Variants in SMURF2 observed in about 807,000 individuals in gnomAD.
SMURF2 encodes SMAD specific E3 ubiquitin protein ligase 2, also known as E3 ubiquitin-protein ligase SMURF2.
A neutral mutation model predicts 109.6 loss-of-function variants in SMURF2; 48 were observed. That is an observed-to-expected ratio of 0.44 (90% CI 0.35 to 0.56). The LOEUF is 0.56. Among genes scored for constraint, SMURF2 ranks in the 20% least tolerant of loss-of-function variants. The pLI, the probability that SMURF2 is intolerant of heterozygous loss-of-function variation, is 0.01. For synonymous variants in SMURF2, 288 were observed against 317.1 expected (o/e 0.91, Z 0.97); for missense variants, 575 against 909.0 (o/e 0.63, Z 4.72).
intron 3 of SMURF2, among the ~76,000 whole-genome samples, chr17:64,595,261 G>T (rs1472989368): frequency 1.3e-5 from 2 of 152,130 alleles, no homozygotes; most frequent in Non-Finnish European, 2.9e-5. Context: ...TAAAAATTAT[G>T]AAATATATTG....
intron 3 of SMURF2, among the ~76,000 whole-genome samples, chr17:64,597,678 C>CAGG (rs1441431458): frequency 2.7e-5 from 4 of 150,466 alleles, no homozygotes; most frequent in Non-Finnish European, 5.9e-5. Flanking sequence ...GAGGCTGAGA[C>CAGG]AGGAGAAATG....
chr17:64,661,538 T>C (rs1167046811), intron 1 of SMURF2, among the ~76,000 whole-genome samples: 1 of 152,120 alleles, frequency 6.6e-6, no homozygotes, highest in African/African-American at 2.4e-5. Flanking sequence ...GGAGGCAGCG[T>C]CTGGCTCCTT....
intron 1 of SMURF2, among the ~76,000 whole-genome samples, chr17:64,648,058 TAAAA>T (rs56131846): frequency 0.02 from 345 of 17,514 alleles, no homozygotes; most frequent in African/African-American, 0.054. Flanking sequence ...CCCTATCTCT[TAAAA>T]AAAAAAAAAA....
In SMURF2 at chr17:64,547,428, G is replaced by A. The variant is rs1968974235; in HGVS notation, c.2071+172C>T. ...GAGAAGCCCGCAGAAAAGGCTCTTGGGAAGGGAACAAAAGAAAGGAGGGAG... is the reference window on the plus strand; with the variant it reads ...GAGAAGCCCGCAGAAAAGGCTCTTGAGAAGGGAACAAAAGAAAGGAGGGAG... On this transcript the variant is annotated intron_variant, in intron 17 of 18. Transcript: ENST00000262435. This position sits in a 1 kb window ranked among gnomAD's most constrained non-coding sequence, Gnocchi z 4.2. Among the ~76,000 whole-genome samples the A allele has an allele frequency of 1.3e-5, 2 of 152,170 alleles. No individual in the cohort carries two copies. The highest frequency in any genetic ancestry group is 2.9e-5 in the Non-Finnish European group (2 of 68,028).
chr17:64,657,007 T>A lies in SMURF2; in HGVS notation c.52+4822A>T, dbSNP rs1970714817. Among the ~76,000 whole-genome samples the A allele has an allele frequency of 2.0e-5, 3 of 152,208 alleles. No homozygotes were observed. In the South Asian group the frequency reaches 6.2e-4, roughly 31 times the overall value. On this transcript the variant is annotated intron_variant, in intron 1 of 18. Coordinates refer to ENST00000262435, the MANE Select transcript of SMURF2 (RefSeq NM_022739.4). ...CCTCTTGCCACTCATACCCAATGCA[T>A]TAGCCATAAAGAACACATGCAGAAC...
intron 9 of SMURF2, among the ~76,000 whole-genome samples, chr17:64,578,165 C>T (rs769619608): frequency 3.3e-5 from 5 of 151,726 alleles, no homozygotes; most frequent in African/African-American, 4.8e-5. Flanking sequence ...AGGATGGTTT[C>T]GATCTCTTGA....
intron 1 of SMURF2, among the ~76,000 whole-genome samples, chr17:64,608,518 A>G (rs1422774867): frequency 6.6e-6 from 1 of 152,246 alleles, no homozygotes; most frequent in Non-Finnish European, 1.5e-5. Flanking sequence ...TTGTCATAAT[A>G]TAAATTGAAC....
chr17:64,571,202 G>A (rs542207596), intron 10 of SMURF2, among the ~76,000 whole-genome samples: 66 of 152,216 alleles, frequency 4.3e-4, no homozygotes, highest in African/African-American at 1.5e-3. Context: ...AAATTAGCCT[G>A]TTCAACCCCT....
In SMURF2 at chr17:64,592,248, G is replaced by A. The variant is rs143779793; in HGVS notation, c.335-1099C>T. ...GTAGCACATTAAGTCTTCAATAACT[G>A]TAAACTTATTGAACTAGGGATAATG... On this transcript the variant is annotated intron_variant, in intron 4 of 18. Coordinates refer to ENST00000262435, the MANE Select transcript of SMURF2 (RefSeq NM_022739.4). Among the ~76,000 whole-genome samples, 30 of 152,250 alleles carry A rather than the reference G, an allele frequency of 2.0e-4. No homozygotes were observed. In the East Asian group the frequency reaches 5.6e-3, roughly 28 times the overall value.
chr17:64,646,630 CT>C (rs781794653), intron 1 of SMURF2, among the ~76,000 whole-genome samples: 14 of 152,202 alleles, frequency 9.2e-5, no homozygotes, highest in Non-Finnish European at 1.3e-4. Flanking sequence ...CGATCCATCC[CT>C]TCAGCCTCCC....
chr17:64,551,646 T>C lies in SMURF2; in HGVS notation c.1807A>G (p.Lys603Glu). 2 of 1,614,098 alleles carry C rather than the reference T, an allele frequency of 1.2e-6. No homozygotes were observed. Among genetic ancestry groups the C allele is most frequent in the Non-Finnish European group, 1.7e-6 (2 of 1,179,982 alleles). The change falls in exon 16 of 19, where the codon AAA (lysine) becomes GAA (glutamate). Residue 603 changes from lysine (K) to glutamate (E), a missense_variant. By Grantham distance (56) the Lys-to-Glu change is moderately conservative (BLOSUM62 1). Transcript: ENST00000262435. The stretch of plus-strand genomic sequence containing the variant: ...TGTGGAATTACTTCATTAAATCCTT[T>C]CTGCAGAGCCAAGAATTGAGCCTCA... ...GIEAQFLALQKGFNEVIPQHL... is the reference protein window; with the variant it reads ...GIEAQFLALQEGFNEVIPQHL...
At chr17:64,617,523 T>C (rs1000322197) in intron 1 of SMURF2, among the ~76,000 whole-genome samples, 1 of 152,158 alleles carries the variant, frequency 6.6e-6, no homozygotes, top group Non-Finnish European at 1.5e-5. Context: ...CTCTGTCACT[T>C]AGGCTGGAAT....
Position 64,542,851 on chromosome 17 carries a change from CTA to C in SMURF2, c.*2995_*2996del, listed in dbSNP as rs782110512. On this transcript the variant is annotated 3_prime_UTR_variant, in exon 19 of 19. Coordinates refer to ENST00000262435, the MANE Select transcript of SMURF2 (RefSeq NM_022739.4). Reference sequence around the variant, plus strand: ...TAAAAAACCCATTCGGGGCAACAAACTATGTGCAAAACAAAATGTACACTATA... The same window carrying C: ...TAAAAAACCCATTCGGGGCAACAAACTGTGCAAAACAAAATGTACACTATA... 5.9e-5 allele frequency: 9 copies of C among 152,224 alleles called. No individual in the cohort carries two copies. Among genetic ancestry groups the C allele is most frequent in the African/African-American group, 1.2e-4 (5 of 41,478 alleles). 9.4% of individuals were successfully genotyped at this position (152,224 alleles called of 1,614,324 possible).
rs181401476 is a variant in SMURF2, at chr17:64,597,571, G to C, written c.200+811C>G. ...GCGGATCACTTGAGGTCAGGAGTTCGAGACCAGCCTGGCCAACATGGTGAA... is the reference window on the plus strand; with the variant it reads ...GCGGATCACTTGAGGTCAGGAGTTCCAGACCAGCCTGGCCAACATGGTGAA... On this transcript the variant is annotated intron_variant, in intron 3 of 18. Coordinates refer to ENST00000262435, the MANE Select transcript of SMURF2 (RefSeq NM_022739.4). 2.0e-4 allele frequency among the ~76,000 whole-genome samples: 30 copies of C among 151,924 alleles called. No individual in the cohort carries two copies. The East Asian group carries it at 5.8e-3, about 29-fold the overall frequency.
rs1225207368 is a variant in SMURF2, at chr17:64,581,826, T to A, written c.570-835A>T. Reference sequence around the variant, plus strand: ...CGGGTGTGGGGGCGGGCGCCTGTAGTCCCAGCTACTCGGGAGGCTGAGGTA... The same window carrying A: ...CGGGTGTGGGGGCGGGCGCCTGTAGACCCAGCTACTCGGGAGGCTGAGGTA... On this transcript the variant is annotated intron_variant, in intron 7 of 18. Coordinates refer to ENST00000262435, the MANE Select transcript of SMURF2 (RefSeq NM_022739.4). This position sits in a 1 kb window ranked among gnomAD's most constrained non-coding sequence, Gnocchi z 4.3. Among the ~76,000 whole-genome samples the A allele has an allele frequency of 6.6e-6, 1 of 151,948 alleles. No individual in the cohort carries two copies. The highest frequency in any genetic ancestry group is 1.5e-5 in the Non-Finnish European group (1 of 67,988).
At chr17:64,579,095 C>A (rs1483771204) in intron 8 of SMURF2, among the ~76,000 whole-genome samples, 2 of 152,072 alleles carry the variant, frequency 1.3e-5, no homozygotes, top group Non-Finnish European at 2.9e-5. Flanking sequence ...ACTGGGGAGA[C>A]ATTCTATGTC....
rs1968895180 is a variant in SMURF2, at chr17:64,542,959, A to G, written c.*2889T>C. The G allele has an allele frequency of 6.6e-6, 1 of 152,256 alleles. No homozygotes were observed. The highest frequency in any genetic ancestry group is 1.5e-5 in the Non-Finnish European group (1 of 68,056). 9.4% of individuals were successfully genotyped at this position (152,256 alleles called of 1,614,324 possible). A position where few individuals can be genotyped will look rare whatever the true frequency, so the allele number is the denominator to read the frequency against. On this transcript the variant is annotated 3_prime_UTR_variant, in exon 19 of 19. Coordinates refer to ENST00000262435, the MANE Select transcript of SMURF2 (RefSeq NM_022739.4). ...CAAGACTTACCTCTCTGTACTGCCT[A>G]TGAGCTCTACAAAGGAATCTCTGTT...
intron 10 of SMURF2, among the ~76,000 whole-genome samples, chr17:64,566,345 T>G (rs1555684943): frequency 6.6e-6 from 1 of 151,826 alleles, no homozygotes; most frequent in Non-Finnish European, 1.5e-5. Flanking sequence ...AAAAACTAAT[T>G]TATCACTTTA....
At chr17:64,661,572 T>C (rs112581530) in intron 1 of SMURF2, among the ~76,000 whole-genome samples, 5,287 of 150,944 alleles carry the variant, frequency 0.035, 118 homozygotes, top group Non-Finnish European at 0.055. Context: ...CGACCTGAAA[T>C]CCGCCTGCGA....
Sources: allele counts gnomAD v4.1 joint callset (sites outside exome capture counted in the v4.1 genomes callset), GRCh38; gene constraint gnomAD v4.1.1; non-coding constraint Gnocchi (gnomAD v3.1); transcripts MANE v1.5; gene names NCBI Gene and HGNC (gene_info 2026-07-23, HGNC 2026-07-21).